ADRA1A: variants seen among roughly 807,000 people sequenced by gnomAD.
ADRA1A encodes the protein alpha-1A adrenergic receptor.
A neutral mutation model predicts 29.6 loss-of-function variants in ADRA1A; 31 were observed. The observed-to-expected ratio is 1.05, with a 90% CI of 0.79 to 1.41. ADRA1A has a LOEUF of 1.41. Among genes scored for constraint, ADRA1A ranks in the 40% most tolerant of loss-of-function variants. ADRA1A has a pLI of 0.00. For missense variants in ADRA1A, 619 were observed against 601.1 expected, an observed-to-expected ratio of 1.03 and a Z score of -0.31; for synonymous variants, 311 against 254.3, an observed-to-expected ratio of 1.22 and a Z score of -2.12.
intron 2 of ADRA1A, among the ~76,000 whole-genome samples, chr8:26,853,218 T>C (rs556579501): frequency 5.3e-4 from 80 of 152,172 alleles, no homozygotes; most frequent in Non-Finnish European, 7.9e-4. Flanking sequence ...AGTATATCAA[T>C]CTAAAACCAA....
In ADRA1A at chr8:26,864,861, T is replaced by C; in HGVS notation, c.109A>G (p.Ile37Val). The change falls in exon 2 of 3, where the codon ATT (isoleucine) becomes GTT (valine). Residue 37 changes from isoleucine (I) to valine (V), a missense_variant. Ile to Val is a conservative substitution (Grantham distance 29). Transcript: ENST00000380573. The surrounding 1 kb of genome is among the most constrained non-coding windows in gnomAD (Gnocchi z 8.1). ...ATGTTACCCAGCACCCCGAAAAGAA[T>C]GAGGCCCCCCAAGATCACCCCGAGC... ...ILLGVILGGLILFGVLGNILV... is the reference protein window; with the variant it reads ...ILLGVILGGLVLFGVLGNILV... 3 of 1,613,818 alleles carry C rather than the reference T, an allele frequency of 1.9e-6. No individual in the cohort carries two copies. The highest frequency in any genetic ancestry group is 2.2e-5 in the East Asian group (1 of 44,858).
downstream of ADRA1A, among the ~76,000 whole-genome samples, chr8:26,754,135 A>G (rs1330878942): frequency 6.6e-6 from 1 of 152,198 alleles, no homozygotes; most frequent in African/African-American, 2.4e-5. Flanking sequence ...AAAATTCAGA[A>G]ACACTTAAAC....
intron 2 of ADRA1A, among the ~76,000 whole-genome samples, chr8:26,789,556 T>C (rs1807658425): frequency 6.6e-6 from 1 of 152,038 alleles, no homozygotes; most frequent in Non-Finnish European, 1.5e-5. Flanking sequence ...AAACTATAAA[T>C]ATACTAGAAG....
chr8:26,818,884 G>C (rs1809956576), intron 2 of ADRA1A, among the ~76,000 whole-genome samples: 1 of 152,068 alleles, frequency 6.6e-6, no homozygotes, highest in Non-Finnish European at 1.5e-5. Context: ...AAGAATTTAA[G>C]AGGAAAAGAG....
chr8:26,859,046 T>C (rs1813250798), intron 2 of ADRA1A: 1 of 1,266,614 alleles, frequency 7.9e-7, no homozygotes, highest in South Asian at 1.3e-5. Context: ...TTTTCCTGGG[T>C]CAGTCCCTAT....
rs568998730 is a variant in ADRA1A at position 26,825,795 on chromosome 8, C to T, written c.883+38292G>A. Among the ~76,000 whole-genome samples the T allele has an allele frequency of 1.3e-5, 2 of 152,308 alleles. No individual in the cohort carries two copies. The highest frequency in any genetic ancestry group is 2.4e-5 in the African/African-American group (1 of 41,572). On this transcript the variant is annotated intron_variant, in intron 2 of 2. Transcript: ENST00000380573. This position sits in a 1 kb window ranked among gnomAD's most constrained non-coding sequence, Gnocchi z 5.7. Reference sequence around the variant, plus strand: ...CTTGTATCCTGCGGGCATTCTGGTTCGATACTAGGCACAGTGTTGATTGCC... The same window carrying T: ...CTTGTATCCTGCGGGCATTCTGGTTTGATACTAGGCACAGTGTTGATTGCC...
At chr8:26,802,299 T>G (rs1460951904) in intron 2 of ADRA1A, among the ~76,000 whole-genome samples, 1 of 152,134 alleles carries the variant, frequency 6.6e-6, no homozygotes, top group Non-Finnish European at 1.5e-5. Flanking sequence ...ATCCACAGAA[T>G]GTGAGAAAAT....
downstream of ADRA1A, among the ~76,000 whole-genome samples, chr8:26,761,432 C>T (rs948297036): frequency 1.3e-5 from 2 of 152,084 alleles, no homozygotes; most frequent in African/African-American, 2.4e-5. Flanking sequence ...CTGTATTCGG[C>T]GATAGTGCCT....
rs112189321 is a variant in ADRA1A, at chr8:26,832,103, G to A, written c.883+31984C>T. Among the ~76,000 whole-genome samples, 1,076 of 152,326 alleles carry A rather than the reference G, an allele frequency of 7.1e-3. 12 individuals are homozygous for A. The highest frequency in any genetic ancestry group is 0.025 in the African/African-American group (1,033 of 41,572). ...CTTCCTTTCACAAGGGAAGGGAGGA[G>A]ATTCGGTTTGCAGCGAGAAATGTTG... On this transcript the variant is annotated intron_variant, in intron 2 of 2. Coordinates refer to ENST00000380573, the MANE Select transcript of ADRA1A (RefSeq NM_000680.4).
At chr8:26,763,120 A>G (rs1376350837), downstream of ADRA1A, among the ~76,000 whole-genome samples, 1 of 152,132 alleles carries the variant, frequency 6.6e-6, no homozygotes, top group Non-Finnish European at 1.5e-5. The surrounding 1 kb of genome is among the most constrained non-coding windows in gnomAD (Gnocchi z 4.5). Context: ...TCTGCATCCT[A>G]TCTGTCATTT....
At chr8:26,833,501 G>T (rs149456095) in intron 2 of ADRA1A, among the ~76,000 whole-genome samples, 30 of 152,254 alleles carry the variant, frequency 2.0e-4, no homozygotes, top group African/African-American at 7.0e-4. Context: ...ACTTTGCATA[G>T]GGTGCTGGAA....
intron 2 of ADRA1A, chr8:26,772,217 G>A (rs537877832): frequency 6.6e-6 from 1 of 150,858 alleles, no homozygotes; most frequent in East Asian, 1.9e-4. Flanking sequence ...AAACCTCATA[G>A]CTACAATACT....
At position 26,831,549 on chromosome 8, in the gene ADRA1A, C is replaced by T. The variant is rs191993609; in HGVS notation, c.883+32538G>A. Among the ~76,000 whole-genome samples the T allele has an allele frequency of 2.3e-3, 347 of 152,308 alleles. No homozygotes were observed. The highest frequency in any genetic ancestry group is 8.1e-3 in the African/African-American group (335 of 41,564). On this transcript the variant is annotated intron_variant, in intron 2 of 2. Coordinates refer to ENST00000380573, the MANE Select transcript of ADRA1A (RefSeq NM_000680.4). This position sits in a 1 kb window ranked among gnomAD's most constrained non-coding sequence, Gnocchi z 5.2. Reference sequence around the variant, plus strand: ...TAGAGGTCACGGAAGTGTCAGGTCACACCCAATGTCCTAGACACTGGAGGA... The same window carrying T: ...TAGAGGTCACGGAAGTGTCAGGTCATACCCAATGTCCTAGACACTGGAGGA...
downstream of ADRA1A, among the ~76,000 whole-genome samples, chr8:26,765,232 A>G (rs200771298): frequency 1.3e-5 from 2 of 152,172 alleles, no homozygotes; most frequent in East Asian, 3.9e-4. Context: ...AGAAATGACA[A>G]TTTCCTGAAT....
chr8:26,814,856 T>G (rs1809653745), intron 2 of ADRA1A, among the ~76,000 whole-genome samples: 1 of 152,228 alleles, frequency 6.6e-6, no homozygotes, highest in East Asian at 1.9e-4. Context: ...ACATTAGTCC[T>G]TGTCATTTAA....
At chr8:26,845,679 A>G (rs1215088023) in intron 2 of ADRA1A, among the ~76,000 whole-genome samples, 1 of 152,250 alleles carries the variant, frequency 6.6e-6, no homozygotes, top group Non-Finnish European at 1.5e-5. Context: ...GGCAGAAATA[A>G]CTTAAATGAC....
At chr8:26,794,795 C>T (rs1472427460) in intron 2 of ADRA1A, among the ~76,000 whole-genome samples, 1 of 151,988 alleles carries the variant, frequency 6.6e-6, no homozygotes, top group African/African-American at 2.4e-5. Context: ...AAAAGTGTTT[C>T]TTCTGCCCTT....
intron 2 of ADRA1A, among the ~76,000 whole-genome samples, chr8:26,793,322 C>A (rs114715804): frequency 1.5e-3 from 230 of 152,010 alleles, no homozygotes; most frequent in African/African-American, 5.3e-3. Context: ...AAATCAATGA[C>A]AACTTAGAAA....
downstream of ADRA1A, among the ~76,000 whole-genome samples, chr8:26,762,726 A>G (rs559940664): frequency 3.9e-5 from 6 of 152,310 alleles, no homozygotes; most frequent in East Asian, 1.2e-3. This position sits in a 1 kb window ranked among gnomAD's most constrained non-coding sequence, Gnocchi z 4.0. Flanking sequence ...TAATGGCCTC[A>G]GTATTTCCAG....
Sources: allele counts gnomAD v4.1 joint callset (sites outside exome capture counted in the v4.1 genomes callset), GRCh38; gene constraint gnomAD v4.1.1; non-coding constraint Gnocchi (gnomAD v3.1); transcripts MANE v1.5; gene names NCBI Gene and HGNC (gene_info 2026-07-23, HGNC 2026-07-21).